Variants in TMEFF2 observed in about 807,000 individuals in gnomAD.
TMEFF2 encodes the protein transmembrane protein with EGF like and two follistatin like domains 2, also known as tomoregulin-2.
Under a neutral mutation model 53.8 loss-of-function variants are expected in TMEFF2, and 28 were observed. The observed-to-expected ratio is 0.52, with a 90% CI of 0.39 to 0.71. The LOEUF (loss-of-function observed/expected upper bound fraction) is 0.71. Ranked by LOEUF, TMEFF2 falls within the 30% of genes least tolerant of loss-of-function variation. The probability of loss-of-function intolerance (pLI) is 0.00; values close to 1 mark genes in which losing one functional copy is unlikely to be tolerated. For missense variants in TMEFF2, 353 were observed against 455.2 expected (o/e 0.78, Z 2.04); for synonymous variants, 162 against 166.3 (o/e 0.97, Z 0.20).
At position 192,110,353 on chromosome 2, in the gene TMEFF2, GGAAGT is replaced by G. The variant is rs367585486; in HGVS notation, c.440-52583_440-52579del. On this transcript the variant is annotated intron_variant, in intron 4 of 9. Coordinates refer to ENST00000272771, the MANE Select transcript of TMEFF2 (RefSeq NM_016192.4). ...ATTGAAATGGGTTGAGTGGTGATTAGGAAGTGGAGTTAGAGGATATAGACAATTAT... is the reference window on the plus strand; with the variant it reads ...ATTGAAATGGGTTGAGTGGTGATTAGGGAGTTAGAGGATATAGACAATTAT... 3.3e-5 allele frequency among the ~76,000 whole-genome samples: 5 copies of G among 152,150 alleles called. No individual in the cohort carries two copies. The East Asian group carries it at 7.7e-4, about 24-fold the overall frequency.
intron 4 of TMEFF2, among the ~76,000 whole-genome samples, chr2:192,058,154 AT>A (rs886402686): frequency 1.3e-5 from 2 of 152,162 alleles, no homozygotes; most frequent in African/African-American, 4.8e-5. Context: ...CATATTTAGC[AT>A]TTTCTTATTT....
chr2:192,167,113 T>C (rs1322507583), intron 4 of TMEFF2, among the ~76,000 whole-genome samples: 1 of 152,120 alleles, frequency 6.6e-6, no homozygotes, highest in Non-Finnish European at 1.5e-5. Context: ...TTTTTAAAAG[T>C]ACCGGAGTAG....
rs897149620 is a variant in TMEFF2, at chr2:192,106,174, C to A, written c.440-48399G>T. 5.6e-4 allele frequency among the ~76,000 whole-genome samples: 85 copies of A among 151,446 alleles called. 4 individuals carry two copies. Among genetic ancestry groups the A allele is most frequent in the African/African-American group, 2.4e-5 (1 of 41,312 alleles). Reference sequence around the variant, plus strand: ...AAATTATGGAGATAAGAAAGGAATGCTAGGCATTCATTAAAAATAATGTTT... The same window carrying A: ...AAATTATGGAGATAAGAAAGGAATGATAGGCATTCATTAAAAATAATGTTT... On this transcript the variant is annotated intron_variant, in intron 4 of 9. Coordinates refer to ENST00000272771, the MANE Select transcript of TMEFF2 (RefSeq NM_016192.4).
chr2:192,171,315 T>C (rs1366412906), intron 4 of TMEFF2, among the ~76,000 whole-genome samples: 1 of 152,036 alleles, frequency 6.6e-6, no homozygotes, highest in East Asian at 1.9e-4. Flanking sequence ...GATCCCCAAA[T>C]CAATGACAAC....
chr2:192,178,898 T>C (rs1691116347), intron 4 of TMEFF2: 3 of 151,342 alleles, frequency 2.0e-5, no homozygotes, highest in African/African-American at 7.3e-5. Context: ...TGTGTTTTGT[T>C]TTGCTTTGTG....
chr2:192,116,271 A>G (rs1689402309), intron 4 of TMEFF2, among the ~76,000 whole-genome samples: 1 of 152,036 alleles, frequency 6.6e-6, no homozygotes, highest in South Asian at 2.1e-4. Context: ...TGTGGAATCT[A>G]AAGAGTCAAA....
chr2:192,064,474 C>T (rs991327488), intron 4 of TMEFF2, among the ~76,000 whole-genome samples: 3 of 151,778 alleles, frequency 2.0e-5, no homozygotes, highest in Non-Finnish European at 2.9e-5. Flanking sequence ...CCCTGCCAAT[C>T]GCTACTAAAT....
intron 5 of TMEFF2, among the ~76,000 whole-genome samples, chr2:192,016,739 A>G (rs1559085770): frequency 6.6e-6 from 1 of 152,378 alleles, no homozygotes; most frequent in East Asian, 1.9e-4. Flanking sequence ...GAGCATTACC[A>G]AATATTACAT....
intron 7 of TMEFF2, among the ~76,000 whole-genome samples, chr2:191,994,224 T>G (rs889786677): frequency 6.6e-6 from 1 of 151,996 alleles, no homozygotes; most frequent in Non-Finnish European, 1.5e-5. Flanking sequence ...CAATTTCTAT[T>G]TAAACAATTT....
intron 5 of TMEFF2, among the ~76,000 whole-genome samples, chr2:192,042,263 T>C (rs1295250061): frequency 6.6e-6 from 1 of 152,090 alleles, no homozygotes; most frequent in Non-Finnish European, 1.5e-5. Context: ...GTTTGAAATA[T>C]TGTGAGAATT....
At chr2:192,009,783 G>A (rs1686583253) in intron 5 of TMEFF2, among the ~76,000 whole-genome samples, 1 of 152,028 alleles carries the variant, frequency 6.6e-6, no homozygotes, top group African/African-American at 2.4e-5. Context: ...GTAATATTAT[G>A]GTTCTTAAGA....
chr2:192,105,613 A>G (rs1359019322), intron 4 of TMEFF2, among the ~76,000 whole-genome samples: 1 of 151,966 alleles, frequency 6.6e-6, no homozygotes, highest in African/African-American at 2.4e-5. Flanking sequence ...TAGGCAAGTT[A>G]ACTTCAGAAC....
chr2:192,111,601 T>C (rs1689277032), intron 4 of TMEFF2, among the ~76,000 whole-genome samples: 1 of 152,276 alleles, frequency 6.6e-6, no homozygotes, highest in African/African-American at 2.4e-5. Flanking sequence ...GAAAAACCCA[T>C]TTTCTGAGGA....
chr2:192,114,687 T>C (rs974200388), intron 4 of TMEFF2, among the ~76,000 whole-genome samples: 3 of 151,878 alleles, frequency 2.0e-5, no homozygotes, highest in African/African-American at 4.8e-5. Context: ...TACAGTAGCA[T>C]CTAAAAGAAT....
At chr2:192,186,185 A>C (rs1691306987) in intron 2 of TMEFF2, among the ~76,000 whole-genome samples, 1 of 152,158 alleles carries the variant, frequency 6.6e-6, no homozygotes, top group African/African-American at 2.4e-5. Context: ...TGTTTAACTC[A>C]ATCAGAAACT....
chr2:192,021,748 G>C (rs1477762870), intron 5 of TMEFF2, among the ~76,000 whole-genome samples: 2 of 152,174 alleles, frequency 1.3e-5, no homozygotes, highest in East Asian at 3.8e-4. Flanking sequence ...AACTGAAAAG[G>C]AGCAGGGGCA....
intron 4 of TMEFF2, among the ~76,000 whole-genome samples, chr2:192,064,629 G>C (rs961812423): frequency 5.3e-5 from 8 of 151,718 alleles, no homozygotes; most frequent in African/African-American, 1.9e-4. Context: ...CTGATAAAAG[G>C]ATTATATGTT....
chr2:192,128,918 T>C (rs956870678), intron 4 of TMEFF2, among the ~76,000 whole-genome samples: 1 of 152,142 alleles, frequency 6.6e-6, no homozygotes, highest in African/African-American at 2.4e-5. Context: ...GTAGCAAAAC[T>C]CTCCAGTGTG....
rs201833615 is a variant in TMEFF2, at chr2:191,950,281, G to T, written c.*30C>A. 299 of 1,612,964 alleles carry T rather than the reference G, an allele frequency of 1.9e-4. No individual in the cohort carries two copies. The African/African-American group carries it at 3.8e-3, about 21-fold the overall frequency. ...CTGTATTGTGTAGTCCAAGCTCTCG[G>T]TAGTCCAGCCACTGTGAAACATGCT... On this transcript the variant is annotated 3_prime_UTR_variant, in exon 10 of 10. Coordinates refer to ENST00000272771, the MANE Select transcript of TMEFF2 (RefSeq NM_016192.4).
Sources: allele counts gnomAD v4.1 joint callset (sites outside exome capture counted in the v4.1 genomes callset), GRCh38; gene constraint gnomAD v4.1.1; transcripts MANE v1.5; gene names NCBI Gene and HGNC (gene_info 2026-07-23, HGNC 2026-07-21).